Variants in CHD5 observed in about 807,000 individuals in gnomAD.
CHD5 encodes chromodomain helicase DNA binding protein 5, also known as ATP-dependent chromatin remodeler CHD5.
CHD5 carries 69 observed loss-of-function variants against 230.3 expected under a neutral mutation model. The ratio of observed to expected loss-of-function variants is 0.30; its 90% CI spans 0.25 to 0.37. The LOEUF (loss-of-function observed/expected upper bound fraction) is 0.37. Ranked by LOEUF, CHD5 falls within the 10% of genes least tolerant of loss-of-function variation. The pLI, the probability that CHD5 is intolerant of heterozygous loss-of-function variation, is 1.00. For synonymous variants in CHD5, 1,064 were observed against 1,065.9 expected (o/e 1.00, Z 0.03); for missense variants, 1,827 against 2,622.8 (o/e 0.70, Z 6.63).
chr1:6,179,569 G>A (rs1158910719), intron 1 of CHD5, among the ~76,000 whole-genome samples: 1 of 151,266 alleles, frequency 6.6e-6, no homozygotes, highest in Non-Finnish European at 1.5e-5. Flanking sequence ...GGACGCGAGC[G>A]CGGGGTGCGC....
At chr1:6,150,234 C>G (rs1193629057) in intron 7 of CHD5, among the ~76,000 whole-genome samples, 2 of 139,578 alleles carry the variant, frequency 1.4e-5, no homozygotes, top group African/African-American at 5.5e-5. Flanking sequence ...AATGGATGGA[C>G]AAATGAATGG....
At chr1:6,161,013 G>C (rs1667168925) in intron 2 of CHD5, among the ~76,000 whole-genome samples, 1 of 152,318 alleles carries the variant, frequency 6.6e-6, no homozygotes, top group African/African-American at 2.4e-5. Flanking sequence ...GCTGTTAACT[G>C]TTTTCGGGGT....
At chr1:6,135,439 AG>A in intron 17 of CHD5, 36 bp from the exon 18 acceptor site, 1 of 1,570,372 alleles carries the variant, frequency 6.4e-7, no homozygotes, top group South Asian at 1.2e-5. Flanking sequence ...CCAGGAGCAG[AG>A]GACCGGGGCA....
Position 6,154,730 on chromosome 1 carries a change from C to T in CHD5, c.675G>A (p.Pro225=), listed in dbSNP as rs201998865. 39 of 1,609,354 alleles carry T rather than the reference C, an allele frequency of 2.4e-5. No homozygotes were observed. In the East Asian group the frequency reaches 5.8e-4, roughly 24 times the overall value. Residue 225 remains proline, a synonymous_variant, in exon 5 of 42, where the codon CCG becomes CCA. Transcript: ENST00000262450. The surrounding 1 kb of genome is among the most constrained non-coding windows in gnomAD (Gnocchi z 7.0). ...GCACCTGCGGGGGGCTGACGGCTAG[C>T]GGAGGGGAGATGGTGACCGTCTCTA... ...AAVETVTISP[P]LAVSPPQVPQ...
At chr1:6,143,746 C>A (rs1201362546) in intron 13 of CHD5, 77 bp downstream of exon 13, 1 of 1,274,094 alleles carries the variant, frequency 7.8e-7, no homozygotes, top group East Asian at 2.3e-5. Context: ...TGAGAACACA[C>A]ACCCCCTGCA....
Position 6,121,332 on chromosome 1 carries a change from G to A in CHD5, c.4780-95C>T, listed in dbSNP as rs1666467713. 3 of 1,534,592 alleles carry A rather than the reference G, an allele frequency of 2.0e-6. No individual in the cohort carries two copies. Among genetic ancestry groups the A allele is most frequent in the Non-Finnish European group, 2.7e-6 (3 of 1,130,586 alleles). On this transcript the variant is annotated intron_variant, in intron 32 of 41. Transcript: ENST00000262450. This position sits in a 1 kb window ranked among gnomAD's most constrained non-coding sequence, Gnocchi z 4.5. ...GCTGGGCTGGGAACCCAGTCTCCTGGCTCCCGTCGCTTGCTCCTAGCCTGC... is the reference window on the plus strand; with the variant it reads ...GCTGGGCTGGGAACCCAGTCTCCTGACTCCCGTCGCTTGCTCCTAGCCTGC...
chr1:6,111,322 T>TC (rs1198313376), intron 36 of CHD5, among the ~76,000 whole-genome samples: 2 of 145,138 alleles, frequency 1.4e-5, no homozygotes, highest in Non-Finnish European at 3.0e-5. Flanking sequence ...TCACTTGAGG[T>TC]CAGGAGTTCG....
At position 6,148,881 on chromosome 1, in the gene CHD5, G is replaced by A. The variant is rs892495290; in HGVS notation, c.1356C>T (p.Asn452=). 6 of 1,582,706 alleles carry A rather than the reference G, an allele frequency of 3.8e-6. No individual in the cohort carries two copies. Among genetic ancestry groups the A allele is most frequent in the East Asian group, 2.3e-5 (1 of 44,028 alleles). The change falls in exon 9 of 42, where the codon AAC becomes AAT. Residue 452 remains asparagine (N), a synonymous_variant. Transcript: ENST00000262450. ...TACAGCGCGGGCAGAGCCATTCACC[G>A]TTTGGGATCTCGGGCAGCGGCGGGT... ...CLNPPLPEIP[N]GEWLCPRCTC...
At chr1:6,175,010 CTGAATGGATAA>C (rs1214871848) in intron 1 of CHD5, among the ~76,000 whole-genome samples, 2 of 123,504 alleles carry the variant, frequency 1.6e-5, no homozygotes, top group Non-Finnish European at 3.3e-5. Flanking sequence ...AGATGGATGG[CTGAATGGATAA>C]TGGATGGATG....
chr1:6,141,842 A>G (rs1439869100), intron 15 of CHD5, among the ~76,000 whole-genome samples: 1 of 152,182 alleles, frequency 6.6e-6, no homozygotes, highest in African/African-American at 2.4e-5. Flanking sequence ...TAGGGCTTTC[A>G]GAGGCACGTG....
intron 2 of CHD5, among the ~76,000 whole-genome samples, chr1:6,164,150 G>A (rs60225601): frequency 1.4e-4 from 21 of 152,340 alleles, no homozygotes; most frequent in African/African-American, 5.1e-4. Context: ...TCTTGGCAGA[G>A]GCCTCCCACC....
intron 33 of CHD5, among the ~76,000 whole-genome samples, chr1:6,115,051 G>A (rs556106383): frequency 4.0e-4 from 61 of 150,918 alleles, no homozygotes; most frequent in African/African-American, 1.2e-3. Flanking sequence ...GGTGGCTCAC[G>A]CCTGTAATCC....
intron 33 of CHD5, among the ~76,000 whole-genome samples, chr1:6,116,456 C>T (rs1266449051): frequency 6.6e-6 from 1 of 152,158 alleles, no homozygotes; most frequent in African/African-American, 2.4e-5. Flanking sequence ...ACAAAAACTT[C>T]ACTCTAAAAA....
chr1:6,136,892 G>A (rs1666754561), intron 15 of CHD5, 27 bp from the exon 16 acceptor site: 1 of 1,586,544 alleles, frequency 6.3e-7, no homozygotes. Context: ...CATTGGGGAT[G>A]AGACGGCTGG....
rs769227716 is a variant in CHD5 at position 6,149,403 on chromosome 1, CCAT to C, written c.1001_1003del (p.Asp334del). ...CTGGTGGTCTGTCTCATAGCCGTCA[CCAT>C]CATCAACTAGGGTAGGGGAGAGGCA... On this transcript the variant is annotated inframe_deletion, in exon 8 of 42. Coordinates refer to ENST00000262450, the MANE Select transcript of CHD5 (RefSeq NM_015557.3). 6.1e-5 allele frequency: 98 copies of C among 1,608,606 alleles called. No homozygotes were observed. In the African/African-American group the frequency reaches 1.1e-3, roughly 19 times the overall value.
chr1:6,136,722 A>C lies in CHD5; in HGVS notation c.2574+6T>G, dbSNP rs745730139. On this transcript the variant is annotated splice_donor_region_variant and intron_variant, in intron 16 of 41. Transcript: ENST00000262450. Reference sequence around the variant, plus strand: ...GCTCTGGGGTCTGGCGGCCAGCGCCACCTACCTTGGACTGGTTGTTCTTGA... The same window carrying C: ...GCTCTGGGGTCTGGCGGCCAGCGCCCCCTACCTTGGACTGGTTGTTCTTGA... 7 of 1,610,430 alleles carry C rather than the reference A, an allele frequency of 4.3e-6. No individual in the cohort carries two copies. The Admixed American group carries it at 5.0e-5, about 12-fold the overall frequency.
chr1:6,156,789 G>A (rs190356301), intron 3 of CHD5, among the ~76,000 whole-genome samples: 9 of 152,232 alleles, frequency 5.9e-5, no homozygotes, highest in African/African-American at 1.4e-4. Flanking sequence ...GGCCTGGGGT[G>A]GGGGGACATC....
rs561141964 is a variant in CHD5, at chr1:6,137,601, G to A, written c.2437-736C>T. Among the ~76,000 whole-genome samples, 4 of 152,298 alleles carry A rather than the reference G, an allele frequency of 2.6e-5. No homozygotes were observed. In the South Asian group the frequency reaches 8.3e-4, roughly 32 times the overall value. On this transcript the variant is annotated intron_variant, in intron 15 of 41. Coordinates refer to ENST00000262450, the MANE Select transcript of CHD5 (RefSeq NM_015557.3). ...TCCTGCCTCAGTCTCCCAATGTACT[G>A]GGAATACAGGCGTGAGCTACCGCAC...
chr1:6,169,032 A>AG (rs1667296327), intron 1 of CHD5, among the ~76,000 whole-genome samples: 1 of 149,198 alleles, frequency 6.7e-6, no homozygotes. Flanking sequence ...AAAAAAAAAA[A>AG]AAGAGAGAGA....
Sources: gnomAD v4.1 joint callset for allele counts (sites outside exome capture counted in the v4.1 genomes callset) on GRCh38, gnomAD v4.1.1 for gene constraint, Gnocchi (gnomAD v3.1) non-coding constraint, MANE v1.5 for transcripts, NCBI Gene and HGNC (gene_info 2026-07-23, HGNC 2026-07-21) for gene names.